The following SYNM variants were observed in gnomAD, a reference collection of about 807,000 sequenced individuals.
The protein encoded by SYNM is synemin, also known as desmuslin.
Under a neutral mutation model 104.0 loss-of-function variants are expected in SYNM, and 95 were observed. That is an observed-to-expected ratio of 0.91 (90% CI 0.77 to 1.08). The LOEUF (loss-of-function observed/expected upper bound fraction) is 1.08, where lower values mean the gene tolerates loss of function less well. SYNM is among the 50% of genes least tolerant of loss of function. The pLI is 0.00. For missense variants in SYNM, 2,150 were observed against 2,052.2 expected (o/e 1.05, Z -0.92); for synonymous variants, 918 against 869.0 (o/e 1.06, Z -0.99).
chr15:99,124,338 G>A (rs555844889), intron 2 of SYNM, among the ~76,000 whole-genome samples: 2 of 152,324 alleles, frequency 1.3e-5, no homozygotes, highest in Admixed American at 6.5e-5. Context: ...GGGGCTGTGC[G>A]GAAGGAGGGT....
chr15:99,118,827 G>GA (rs1555484229), intron 2 of SYNM, among the ~76,000 whole-genome samples: 1 of 152,258 alleles, frequency 6.6e-6, no homozygotes, highest in African/African-American at 2.4e-5. Context: ...GGCAGGTGAA[G>GA]ATGAGATCGA....
chr15:99,133,003 T>C lies in SYNM; in HGVS notation c.4643T>C (p.Val1548Ala). 6.2e-7 allele frequency: 1 copy of C among 1,613,838 alleles called. No homozygotes were observed. The highest frequency in any genetic ancestry group is 1.1e-5 in the South Asian group (1 of 91,066). Residue 1548 changes from valine to alanine, a missense_variant, in exon 4 of 4, where the codon GTT becomes GCT. By Grantham distance (64) the Val-to-Ala change is moderately conservative. Coordinates refer to ENST00000336292, the MANE Select transcript of SYNM (RefSeq NM_145728.3). ...TCGGTGATTTCAGATGAAAAGAAAG[T>C]TGCCCTCCTCTATCTAGACAATGAG... ...QRSVISDEKK[V>A]ALLYLDNEEE...
Position 99,129,736 on chromosome 15 carries a change from T to C in SYNM, c.1376T>C (p.Val459Ala), listed in dbSNP as rs2067480639. The part of the protein sequence containing the change: ...PKAGDTREVP[V>A]YIGEDSTIAR... ...GCCGGAGATACAAGGGAGGTCCCCG[T>C]TTACATAGGTGAAGATTCCACAATT... Residue 459 changes from valine (V) to alanine (A), a missense_variant, in exon 4 of 4, where the codon GTT becomes GCT. Transcript: ENST00000336292. 3 of 1,613,306 alleles carry C rather than the reference T, an allele frequency of 1.9e-6. No individual in the cohort carries two copies. In the East Asian group the frequency reaches 6.7e-5, roughly 36 times the overall value.
Position 99,133,168 on chromosome 15 carries a change from T to C in SYNM, c.*110T>C. The C allele has an allele frequency of 2.0e-6, 3 of 1,508,562 alleles. No individual in the cohort carries two copies. Among genetic ancestry groups the C allele is most frequent in the Admixed American group, 4.5e-5 (2 of 44,816 alleles). 93.4% of individuals were successfully genotyped at this position (1,508,562 alleles called of 1,614,324 possible). On this transcript the variant is annotated 3_prime_UTR_variant, in exon 4 of 4. Transcript: ENST00000336292. The stretch of plus-strand genomic sequence containing the variant: ...GAGTCTATGAAAATCTCCCCTTTTT[T>C]ACTTTTTTAAAGAGTACTCCCGGCA...
chr15:99,122,321 A>G (rs190726845), intron 2 of SYNM, among the ~76,000 whole-genome samples: 2 of 152,290 alleles, frequency 1.3e-5, no homozygotes, highest in African/African-American at 2.4e-5. Flanking sequence ...CATTCTAGTG[A>G]TATTTCTGAT....
intron 2 of SYNM, among the ~76,000 whole-genome samples, chr15:99,126,466 T>C (rs2067448603): frequency 6.6e-6 from 1 of 152,222 alleles, no homozygotes; most frequent in Admixed American, 6.5e-5. Context: ...TTCACTGGGC[T>C]AGTAGGGGTT....
At chr15:99,121,486 G>T (rs117982208) in intron 2 of SYNM, among the ~76,000 whole-genome samples, 4 of 152,156 alleles carry the variant, frequency 2.6e-5, no homozygotes, top group Non-Finnish European at 4.4e-5. Flanking sequence ...GACACGTGCC[G>T]CTGTCACTCG....
intron 2 of SYNM, among the ~76,000 whole-genome samples, chr15:99,119,428 C>T (rs141520313): frequency 1.1e-3 from 167 of 152,260 alleles, no homozygotes; most frequent in African/African-American, 3.6e-3. Flanking sequence ...GGCAGAGTGG[C>T]CCAGGCGCAG....
downstream of SYNM, chr15:99,137,193 A>T (rs1316771935): frequency 3.3e-5 from 5 of 152,286 alleles, no homozygotes; most frequent in African/African-American, 1.2e-4. Flanking sequence ...TTCCTGTTCG[A>T]CTTTGCCATC....
chr15:99,121,485 C>T (rs985175460), intron 2 of SYNM, among the ~76,000 whole-genome samples: 19 of 152,100 alleles, frequency 1.2e-4, no homozygotes, highest in Non-Finnish European at 1.9e-4. Context: ...AGACACGTGC[C>T]GCTGTCACTC....
downstream of SYNM, chr15:99,139,517 T>C (rs1555489135): frequency 6.4e-7 from 1 of 1,555,302 alleles, no homozygotes; most frequent in African/African-American, 1.4e-5. Context: ...TGTGATGGAA[T>C]TAGCATGCTC....
downstream of SYNM, chr15:99,139,510 G>A (rs2067971842): frequency 1.9e-6 from 3 of 1,558,658 alleles, no homozygotes; most frequent in Non-Finnish European, 2.6e-6. Context: ...GCCCTGCTGT[G>A]ATGGAATTAG....
At chr15:99,137,718 A>G, downstream of SYNM, 1 of 394,814 alleles carries the variant, frequency 2.5e-6, no homozygotes, top group Middle Eastern at 7.2e-4. Context: ...GAACTGTTGA[A>G]GAGAAGTTTT....
rs1555482289 is a variant in SYNM, at chr15:99,105,129, A to AGGACGAGACCG, written c.-66_-56dup. ...GCGAGGCCGGAGCGTCGCGGCGGAGAGGACGAGACCGGGACAAGACCAGGG... is the reference window on the plus strand; with the variant it reads ...GCGAGGCCGGAGCGTCGCGGCGGAGAGGACGAGACCGGGACGAGACCGGGACAAGACCAGGG... On this transcript the variant is annotated 5_prime_UTR_variant, in exon 1 of 4. Coordinates refer to ENST00000336292, the MANE Select transcript of SYNM (RefSeq NM_145728.3). 2.0e-6 allele frequency: 3 copies of AGGACGAGACCG among 1,486,882 alleles called. No homozygotes were observed. Among genetic ancestry groups the AGGACGAGACCG allele is most frequent in the East Asian group, 2.6e-5 (1 of 38,420 alleles). 92.1% of individuals were successfully genotyped at this position (1,486,882 alleles called of 1,614,324 possible).
At chr15:99,126,580 C>A in intron 2 of SYNM, 142 bp from the exon 3 acceptor site, 1 of 858,186 alleles carries the variant, frequency 1.2e-6, no homozygotes, top group Non-Finnish European at 1.8e-6. Context: ...ATGGTGCAGC[C>A]CTGCCCAAGT....
Position 99,133,255 on chromosome 15 carries a change from A to C in SYNM, c.*197A>C. On this transcript the variant is annotated 3_prime_UTR_variant, in exon 4 of 4. Transcript: ENST00000336292. ...CCAGTTAATTCATGCCTTAAAAGGC[A>C]CTGCAATTTTATTTTTGAGTTGGGA... The C allele has an allele frequency of 8.6e-7, 1 of 1,156,520 alleles. No individual in the cohort carries two copies. The highest frequency in any genetic ancestry group is 1.2e-6 in the Non-Finnish European group (1 of 860,104). The allele number at this position is 1,156,520 out of a possible 1,614,324, so 71.6% of individuals were successfully genotyped here.
At chr15:99,107,798 G>A (rs1425827645) in intron 1 of SYNM, among the ~76,000 whole-genome samples, 1 of 152,058 alleles carries the variant, frequency 6.6e-6, no homozygotes, top group East Asian at 1.9e-4. Flanking sequence ...TTTTCCTGAG[G>A]TCATACCTGC....
chr15:99,108,577 G>A (rs1255581361), intron 1 of SYNM, among the ~76,000 whole-genome samples: 1 of 152,214 alleles, frequency 6.6e-6, no homozygotes, highest in Non-Finnish European at 1.5e-5. Context: ...ATTACTAAGA[G>A]CCTTTAGCAA....
Position 99,116,509 on chromosome 15 carries a change from T to G in SYNM, c.935+2794T>G, listed in dbSNP as rs550391430. On this transcript the variant is annotated intron_variant, in intron 2 of 3. Coordinates refer to ENST00000336292, the MANE Select transcript of SYNM (RefSeq NM_145728.3). ...CTGGATAATTTGCAAAGAAAAGAGG[T>G]TTATTTTGGCCCACAGTTGTGCAGG... is the stretch of plus-strand genomic sequence containing the variant. 2.0e-4 allele frequency among the ~76,000 whole-genome samples: 26 copies of G among 129,032 alleles called. 7 individuals carry two copies. In the East Asian group the frequency reaches 7.1e-3, roughly 35 times the overall value. The allele number at this position is 129,032 out of a possible 152,430, so 84.7% of individuals were successfully genotyped here. A position where few individuals can be genotyped will look rare whatever the true frequency, so the allele number is the denominator to read the frequency against.
Sources: allele counts gnomAD v4.1 joint callset (sites outside exome capture counted in the v4.1 genomes callset), GRCh38; gene constraint gnomAD v4.1.1; transcripts MANE v1.5; gene names NCBI Gene and HGNC (gene_info 2026-07-23, HGNC 2026-07-21).